The following CSMD1 variants were observed in gnomAD, a reference collection of about 807,000 sequenced individuals.
CSMD1 encodes CUB and sushi domain-containing protein 1.
A neutral mutation model predicts 417.5 loss-of-function variants in CSMD1; 213 were observed. That is an observed-to-expected ratio of 0.51 (90% CI 0.46 to 0.57). CSMD1 has a LOEUF of 0.57. Ranked by LOEUF, CSMD1 falls within the 20% of genes least tolerant of loss-of-function variation. The pLI is 0.00. For missense variants in CSMD1, 6,923 were observed against 4,529.7 expected (o/e 1.53, Z -15.17); for synonymous variants, 2,862 against 1,736.8 (o/e 1.65, Z -16.11).
intron 5 of CSMD1, among the ~76,000 whole-genome samples, chr8:3,974,905 C>A (rs965112272): frequency 1.1e-4 from 16 of 152,130 alleles, no homozygotes; most frequent in African/African-American, 3.4e-4. Flanking sequence ...ATATTTTTAT[C>A]TACTACAATA....
At chr8:3,808,664 G>C (rs1456728055) in intron 5 of CSMD1, among the ~76,000 whole-genome samples, 1 of 152,142 alleles carries the variant, frequency 6.6e-6, no homozygotes, top group East Asian at 1.9e-4. Context: ...CTTAGGTCTT[G>C]TTTGTAGGAT....
At chr8:3,989,532 C>A (rs1025207754) in intron 5 of CSMD1, among the ~76,000 whole-genome samples, 32 of 152,186 alleles carry the variant, frequency 2.1e-4, no homozygotes, top group African/African-American at 7.5e-4. Flanking sequence ...GGATAAAGCA[C>A]ATGATCTATT....
At chr8:4,870,889 C>A (rs888845014) in intron 1 of CSMD1, among the ~76,000 whole-genome samples, 13 of 152,110 alleles carry the variant, frequency 8.5e-5, no homozygotes, top group African/African-American at 2.4e-4. Flanking sequence ...TGTCACCTGG[C>A]CCTTTGGGCT....
chr8:4,730,951 C>T (rs114170366), intron 1 of CSMD1, among the ~76,000 whole-genome samples: 2,420 of 152,066 alleles, frequency 0.016, 56 homozygotes, highest in African/African-American at 0.051. Context: ...AGTGTTCCTG[C>T]CTATTGGGGT....
intron 1 of CSMD1, among the ~76,000 whole-genome samples, chr8:4,850,380 A>ATATTTTTTTTTTTTTT (rs1403352847): frequency 2.4e-5 from 2 of 82,766 alleles, no homozygotes; most frequent in African/African-American, 9.8e-5. Context: ...AATCCAATTT[A>ATATTTTTTTTTTTTTT]TCTTTTTTTT....
chr8:3,010,083 G>C (rs1410238272), intron 52 of CSMD1, among the ~76,000 whole-genome samples: 2 of 152,164 alleles, frequency 1.3e-5, no homozygotes, highest in East Asian at 3.9e-4. Flanking sequence ...CCGGTGTCAC[G>C]TCTTTCTGTC....
chr8:4,023,778 T>C (rs1563330571), intron 4 of CSMD1, among the ~76,000 whole-genome samples: 1 of 117,792 alleles, frequency 8.5e-6, no homozygotes, highest in African/African-American at 3.1e-5. Flanking sequence ...TTTTTTTTTT[T>C]TTTTTTGTGT....
chr8:3,421,157 G>A (rs1191722136), intron 12 of CSMD1, among the ~76,000 whole-genome samples: 1 of 152,116 alleles, frequency 6.6e-6, no homozygotes, highest in Admixed American at 6.5e-5. Flanking sequence ...AAATTGATGG[G>A]CAATTTCTTT....
intron 3 of CSMD1, among the ~76,000 whole-genome samples, chr8:4,145,590 T>C (rs1804062780): frequency 1.3e-5 from 2 of 151,022 alleles, no homozygotes; most frequent in Non-Finnish European, 2.9e-5. Context: ...GGTCTCACCA[T>C]GTTGCATGGG....
intron 6 of CSMD1, among the ~76,000 whole-genome samples, chr8:3,749,210 G>A (rs189975824): frequency 6.6e-6 from 1 of 152,258 alleles, no homozygotes; most frequent in Non-Finnish European, 1.5e-5. Context: ...AACATATAAA[G>A]AATGGGCTCA....
At chr8:4,684,030 G>A (rs77140956) in intron 1 of CSMD1, among the ~76,000 whole-genome samples, 5,551 of 152,264 alleles carry the variant, frequency 0.036, 304 homozygotes, top group African/African-American at 0.12. Flanking sequence ...TTGTACATCA[G>A]TATGATGGCA....
At chr8:4,890,484 C>T (rs1440330525) in intron 1 of CSMD1, among the ~76,000 whole-genome samples, 1 of 150,286 alleles carries the variant, frequency 6.7e-6, no homozygotes, top group African/African-American at 2.5e-5. Context: ...TGCTTCAGGT[C>T]CTCACAGCCA....
intron 5 of CSMD1, among the ~76,000 whole-genome samples, chr8:3,991,749 G>A (rs1002278640): frequency 1.3e-5 from 2 of 152,030 alleles, no homozygotes; most frequent in East Asian, 3.9e-4. Flanking sequence ...GATGAAATGT[G>A]GTCTCAACTT....
intron 5 of CSMD1, among the ~76,000 whole-genome samples, chr8:3,820,173 C>T (rs191478138): frequency 1.3e-5 from 2 of 152,220 alleles, no homozygotes; most frequent in East Asian, 3.9e-4. Flanking sequence ...ACAAAGTGCT[C>T]TCCAAAGTGC....
chr8:4,251,226 A>C (rs1803046311), intron 3 of CSMD1, among the ~76,000 whole-genome samples: 1 of 152,190 alleles, frequency 6.6e-6, no homozygotes, highest in African/African-American at 2.4e-5. Flanking sequence ...ATAACAGCTA[A>C]CAATATATGT....
chr8:3,762,762 G>C (rs1438591157), intron 5 of CSMD1, among the ~76,000 whole-genome samples: 1 of 152,198 alleles, frequency 6.6e-6, no homozygotes, highest in Non-Finnish European at 1.5e-5. Flanking sequence ...TTTATTCCCA[G>C]AGAGAGAAAG....
intron 3 of CSMD1, among the ~76,000 whole-genome samples, chr8:4,128,927 T>G (rs1395047768): frequency 6.6e-6 from 1 of 152,062 alleles, no homozygotes; most frequent in Non-Finnish European, 1.5e-5. Context: ...AATTCCTGTT[T>G]TAGCCGGGCA....
chr8:4,743,578 G>C (rs1810762021), intron 1 of CSMD1, among the ~76,000 whole-genome samples: 3 of 152,122 alleles, frequency 2.0e-5, no homozygotes, highest in Non-Finnish European at 2.9e-5. Flanking sequence ...TGGCTATCCT[G>C]ATTATTGGGT....
At chr8:3,895,710 C>T (rs886648382) in intron 5 of CSMD1, among the ~76,000 whole-genome samples, 1 of 152,124 alleles carries the variant, frequency 6.6e-6, no homozygotes. Context: ...CCTAACTTGT[C>T]AATTTATTTG....
Sources: gnomAD v4.1 joint callset for allele counts (sites outside exome capture counted in the v4.1 genomes callset) on GRCh38, gnomAD v4.1.1 for gene constraint, MANE v1.5 for transcripts, NCBI Gene and HGNC (gene_info 2026-07-23, HGNC 2026-07-21) for gene names.